Variants in AKAP13 observed in about 807,000 individuals in gnomAD.
AKAP13 encodes A-kinase anchoring protein 13.
A neutral mutation model predicts 264.5 loss-of-function variants in AKAP13; 80 were observed. That is an observed-to-expected ratio of 0.30 (90% CI 0.25 to 0.36). The LOEUF (loss-of-function observed/expected upper bound fraction) is 0.36. Ranked by LOEUF, AKAP13 falls within the 10% of genes least tolerant of loss-of-function variation. The pLI, the probability that AKAP13 is intolerant of heterozygous loss-of-function variation, is 1.00. For missense variants in AKAP13, 3,712 were observed against 3,435.2 expected (o/e 1.08, Z -2.01); for synonymous variants, 1,380 against 1,250.2 (o/e 1.10, Z -2.19).
At chr15:85,475,878 TTC>T (rs2075144805) in intron 1 of AKAP13, among the ~76,000 whole-genome samples, 1 of 152,194 alleles carries the variant, frequency 6.6e-6, no homozygotes, top group African/African-American at 2.4e-5. Context: ...AAACAGTTAT[TTC>T]TCTAGCATTC....
At chr15:85,389,449 AAAG>A (rs1160922084) in intron 1 of AKAP13, among the ~76,000 whole-genome samples, 1 of 152,166 alleles carries the variant, frequency 6.6e-6, no homozygotes. Context: ...TTCAGGCTCT[AAAG>A]GATGCTGCCT....
chr15:85,531,823 A>G (rs983369373), intron 3 of AKAP13, among the ~76,000 whole-genome samples: 8 of 152,178 alleles, frequency 5.3e-5, no homozygotes, highest in Admixed American at 1.3e-4. Flanking sequence ...TCATGAACCA[A>G]TTATTCTTGC....
At chr15:85,701,462 C>T (rs180957903) in intron 17 of AKAP13, among the ~76,000 whole-genome samples, 53 of 152,050 alleles carry the variant, frequency 3.5e-4, no homozygotes, top group Admixed American at 3.5e-3. Flanking sequence ...TTGTTTGAGA[C>T]GGCGTCTCAC....
intron 14 of AKAP13, among the ~76,000 whole-genome samples, chr15:85,673,760 A>C (rs2084058510): frequency 7.8e-6 from 1 of 129,010 alleles, no homozygotes; most frequent in Non-Finnish European, 1.5e-5. Context: ...ATCTTGGCTC[A>C]CTGCAAGCTC....
chr15:85,381,285 C>A (rs759789218), intron 1 of AKAP13, among the ~76,000 whole-genome samples: 1 of 152,092 alleles, frequency 6.6e-6, no homozygotes, highest in Non-Finnish European at 1.5e-5. Flanking sequence ...GGGAGCGGCT[C>A]CCCGGGGTCG....
At chr15:85,425,904 TAA>T (rs772695478) in intron 1 of AKAP13, among the ~76,000 whole-genome samples, 1 of 145,606 alleles carries the variant, frequency 6.9e-6, no homozygotes. Flanking sequence ...AAGATCGGTT[TAA>T]AAAAAAAAAG....
intron 10 of AKAP13, among the ~76,000 whole-genome samples, chr15:85,647,942 C>T (rs1222527671): frequency 6.6e-6 from 1 of 151,900 alleles, no homozygotes; most frequent in African/African-American, 2.4e-5. Flanking sequence ...AAACAAAAAA[C>T]AAAACAAAAA....
intron 4 of AKAP13, chr15:85,534,376 C>T (rs746055727): frequency 3.8e-5 from 6 of 158,784 alleles, no homozygotes; most frequent in Non-Finnish European, 6.9e-5. Context: ...GTCACTCTTA[C>T]TGACTTTATC....
At chr15:85,575,899 T>C (rs1567133946) in intron 6 of AKAP13, among the ~76,000 whole-genome samples, 1 of 152,128 alleles carries the variant, frequency 6.6e-6, no homozygotes, top group Non-Finnish European at 1.5e-5. Context: ...GGCAGGCAGA[T>C]CATGTGAGCC....
At chr15:85,717,840 C>G (rs963672642) in intron 21 of AKAP13, among the ~76,000 whole-genome samples, 167 bp from the exon 22 acceptor site, 1 of 152,204 alleles carries the variant, frequency 6.6e-6, no homozygotes, top group Non-Finnish European at 1.5e-5. Context: ...GTCTGTCACT[C>G]CTGAACAGGA....
chr15:85,746,193 A>T lies in AKAP13; in HGVS notation c.*1516A>T, dbSNP rs2089364214. On this transcript the variant is annotated 3_prime_UTR_variant, in exon 37 of 37. Transcript: ENST00000394518. ...AAAATCTGTAACTTGGTGCTTATTG[A>T]TGAATTGCAAGCTGGCCTTGCAGAT... 6.6e-6 allele frequency: 1 copy of T among 152,628 alleles called. No individual in the cohort carries two copies. The highest frequency in any genetic ancestry group is 1.5e-5 in the Non-Finnish European group (1 of 68,040). 9.5% of individuals were successfully genotyped at this position (152,628 alleles called of 1,614,324 possible).
At chr15:85,382,739 G>A (rs944023686) in intron 1 of AKAP13, among the ~76,000 whole-genome samples, 5 of 152,172 alleles carry the variant, frequency 3.3e-5, no homozygotes, top group African/African-American at 1.2e-4. Context: ...TTAACTCCTT[G>A]AGGGCTGTGA....
intron 2 of AKAP13, among the ~76,000 whole-genome samples, chr15:85,494,052 A>G (rs1212592247): frequency 6.6e-6 from 1 of 152,204 alleles, no homozygotes; most frequent in African/African-American, 2.4e-5. Context: ...TATGCAAAAG[A>G]TACCTCCAAA....
At chr15:85,431,575 A>T (rs914855561) in intron 1 of AKAP13, among the ~76,000 whole-genome samples, 7 of 152,134 alleles carry the variant, frequency 4.6e-5, no homozygotes, top group African/African-American at 1.7e-4. Flanking sequence ...GTGGATATAA[A>T]AGCTTTGAGG....
chr15:85,451,337 T>C (rs1019699228), intron 1 of AKAP13, among the ~76,000 whole-genome samples: 5 of 152,216 alleles, frequency 3.3e-5, no homozygotes, highest in Admixed American at 6.5e-5. Flanking sequence ...TGCCACTTTG[T>C]GCCTTTTAAG....
At chr15:85,613,679 T>TAAAAAAAAA (rs762473477) in intron 8 of AKAP13, among the ~76,000 whole-genome samples, 12 of 103,310 alleles carry the variant, frequency 1.2e-4, no homozygotes, top group Non-Finnish European at 2.5e-4. Flanking sequence ...AGACTCCGTC[T>TAAAAAAAAA]AAAAAAAAAA....
chr15:85,744,732 C>G lies in AKAP13; in HGVS notation c.*55C>G. On this transcript the variant is annotated 3_prime_UTR_variant, in exon 37 of 37. Transcript: ENST00000394518. Reference sequence around the variant, plus strand: ...TCCTGATCCTGGCCAGCCCACCTCTCCTGCTGTCCCCGCGTGCACAAGTCT... The same window carrying G: ...TCCTGATCCTGGCCAGCCCACCTCTGCTGCTGTCCCCGCGTGCACAAGTCT... 1.3e-6 allele frequency: 2 copies of G among 1,502,402 alleles called. No individual in the cohort carries two copies. 93.1% of individuals were successfully genotyped at this position (1,502,402 alleles called of 1,614,324 possible).
At chr15:85,505,132 T>C (rs1286919827) in intron 2 of AKAP13, among the ~76,000 whole-genome samples, 1 of 152,250 alleles carries the variant, frequency 6.6e-6, no homozygotes, top group Admixed American at 6.5e-5. Flanking sequence ...GGAATACTTC[T>C]CATTAAAGGG....
At chr15:85,637,872 G>A (rs173078) in intron 8 of AKAP13, among the ~76,000 whole-genome samples, 18,288 of 144,914 alleles carry the variant, frequency 0.13, 1,891 homozygotes, top group East Asian at 0.36. Flanking sequence ...ACTTTCCCTG[G>A]GTTATTTAGA....
Sources: gnomAD v4.1 joint callset for allele counts (sites outside exome capture counted in the v4.1 genomes callset) on GRCh38, gnomAD v4.1.1 for gene constraint, MANE v1.5 for transcripts, NCBI Gene and HGNC (gene_info 2026-07-23, HGNC 2026-07-21) for gene names.